Variants in FAF2 observed in about 807,000 individuals in gnomAD.
The protein encoded by FAF2 is FAS-associated factor 2.
A neutral mutation model predicts 62.3 loss-of-function variants in FAF2; 9 were observed. That is an observed-to-expected ratio of 0.14 (90% CI 0.09 to 0.25). The LOEUF (loss-of-function observed/expected upper bound fraction) is 0.25. Ranked by LOEUF, FAF2 falls within the 10% of genes least tolerant of loss-of-function variation. The pLI, the probability that FAF2 is intolerant of heterozygous loss-of-function variation, is 1.00. For synonymous variants in FAF2, 202 were observed against 198.0 expected, an observed-to-expected ratio of 1.02 and a Z score of -0.17; for missense variants, 368 against 556.2, an observed-to-expected ratio of 0.66 and a Z score of 3.40.
At chr5:176,474,584 T>C (rs13154670) in intron 1 of FAF2, among the ~76,000 whole-genome samples, 11,012 of 152,316 alleles carry the variant, frequency 0.072, 463 homozygotes, top group Middle Eastern at 0.16. Context: ...AGGTTCACTC[T>C]GCTGTAAAGG....
chr5:176,454,554 G>A (rs1249420566), intron 1 of FAF2, among the ~76,000 whole-genome samples: 1 of 129,510 alleles, frequency 7.7e-6, no homozygotes, highest in African/African-American at 3.0e-5. Context: ...CTCTAACCTG[G>A]GCAACAGAGC....
chr5:176,470,794 A>G (rs766757534), intron 1 of FAF2, among the ~76,000 whole-genome samples: 6 of 152,226 alleles, frequency 3.9e-5, no homozygotes, highest in Non-Finnish European at 5.9e-5. Flanking sequence ...GCTGACTAGC[A>G]GTGAGGTCAG....
At chr5:176,463,413 A>G (rs1174551564) in intron 1 of FAF2, among the ~76,000 whole-genome samples, 3 of 151,824 alleles carry the variant, frequency 2.0e-5, no homozygotes, top group Non-Finnish European at 2.9e-5. Context: ...AATGAAAGAT[A>G]ATTTATTTGG....
intron 1 of FAF2, chr5:176,453,616 G>GT (rs1031105625): frequency 7.2e-5 from 11 of 152,044 alleles, no homozygotes; most frequent in African/African-American, 1.9e-4. Context: ...CCATTTGAGG[G>GT]TTTTTTGCCA....
intron 1 of FAF2, among the ~76,000 whole-genome samples, chr5:176,470,186 A>G (rs907004727): frequency 3.9e-5 from 6 of 152,226 alleles, no homozygotes; most frequent in African/African-American, 1.4e-4. Context: ...GGGGAACTAG[A>G]AGGAAATTTG....
intron 1 of FAF2, among the ~76,000 whole-genome samples, chr5:176,449,712 T>C (rs1348153814): frequency 1.3e-5 from 2 of 152,242 alleles, no homozygotes; most frequent in East Asian, 3.8e-4. Context: ...AGACCTAAAG[T>C]TATTGATACA....
chr5:176,465,216 T>C (rs929642483), intron 1 of FAF2, among the ~76,000 whole-genome samples: 2 of 152,060 alleles, frequency 1.3e-5, no homozygotes, highest in Non-Finnish European at 2.9e-5. Context: ...TCTAGTCTTA[T>C]TTGACCCCAA....
intron 1 of FAF2, among the ~76,000 whole-genome samples, chr5:176,475,137 GTTATTA>G (rs146620409): frequency 6.6e-6 from 1 of 151,670 alleles, no homozygotes; most frequent in Non-Finnish European, 1.5e-5. Flanking sequence ...TTTATTTAAG[GTTATTA>G]TTATTATTAT....
chr5:176,449,333 T>C (rs1758123856), intron 1 of FAF2, among the ~76,000 whole-genome samples: 1 of 152,152 alleles, frequency 6.6e-6, no homozygotes, highest in Admixed American at 6.5e-5. Context: ...TCCCAGCACT[T>C]TGGGAGGCCA....
chr5:176,457,057 GTATT>G (rs890459638), intron 1 of FAF2, among the ~76,000 whole-genome samples: 1 of 152,038 alleles, frequency 6.6e-6, no homozygotes, highest in African/African-American at 2.4e-5. Flanking sequence ...ACTCCTCTAA[GTATT>G]TAAGAGGAAT....
intron 2 of FAF2, 104 bp from the exon 3 acceptor site, chr5:176,486,251 C>T: frequency 6.9e-7 from 1 of 1,452,466 alleles, no homozygotes; most frequent in Non-Finnish European, 9.5e-7. Context: ...TTGGTGTATT[C>T]ATGACCATCC....
Position 176,492,271 on chromosome 5 carries a change from A to T in FAF2, c.422A>T (p.His141Leu). Reference protein sequence around the residue: ...DPVGDIVSFMHSFEEKYGRAH... With the variant: ...DPVGDIVSFMLSFEEKYGRAH... Reference sequence around the variant, plus strand: ...GTTGGGGACATTGTTTCATTTATGCACTCTTTTGAAGAGAAATATGGGAGG... The same window carrying T: ...GTTGGGGACATTGTTTCATTTATGCTCTCTTTTGAAGAGAAATATGGGAGG... Residue 141 changes from histidine to leucine, a missense_variant, in exon 5 of 11, where the codon CAC becomes CTC. Physicochemically the swap from His to Leu is moderately conservative, Grantham distance 99. Coordinates refer to ENST00000261942, the MANE Select transcript of FAF2 (RefSeq NM_014613.3). The T allele has an allele frequency of 1.9e-6, 3 of 1,613,856 alleles. No homozygotes were observed. The highest frequency in any genetic ancestry group is 2.2e-5 in the South Asian group (2 of 91,064).
chr5:176,490,719 A>G (rs1287997899), intron 4 of FAF2, among the ~76,000 whole-genome samples: 1 of 152,202 alleles, frequency 6.6e-6, no homozygotes, highest in Non-Finnish European at 1.5e-5. Context: ...TTATTTAAGA[A>G]TGAACATGTA....
intron 1 of FAF2, among the ~76,000 whole-genome samples, chr5:176,465,669 G>A (rs1758455749): frequency 6.6e-6 from 1 of 152,040 alleles, no homozygotes; most frequent in African/African-American, 2.4e-5. Flanking sequence ...GCCCAGCCCA[G>A]AAATTGAAAT....
intron 2 of FAF2, among the ~76,000 whole-genome samples, chr5:176,484,497 G>A (rs191579214): frequency 5.3e-5 from 8 of 152,226 alleles, no homozygotes; most frequent in Non-Finnish European, 1.0e-4. Flanking sequence ...TTTTGTTCAG[G>A]TTCCCCTATT....
chr5:176,454,592 A>G lies in FAF2; in HGVS notation c.63+6122A>G, dbSNP rs1475489184. On this transcript the variant is annotated intron_variant, in intron 1 of 10. Transcript: ENST00000261942. ...GATTCTGTCTGAAAAAAAAAAAAAAAAAAAAAAAAAAAAAAAAAATCTAAT... is the reference window on the plus strand; with the variant it reads ...GATTCTGTCTGAAAAAAAAAAAAAAGAAAAAAAAAAAAAAAAAAATCTAAT... 3.7e-4 allele frequency among the ~76,000 whole-genome samples: 10 copies of G among 27,140 alleles called. No homozygotes were observed. The East Asian group carries it at 7.0e-3, about 19-fold the overall frequency. 17.8% of individuals were successfully genotyped at this position (27,140 alleles called of 152,430 possible).
intron 1 of FAF2, among the ~76,000 whole-genome samples, chr5:176,478,252 G>A (rs1456727607): frequency 6.6e-6 from 1 of 152,186 alleles, no homozygotes; most frequent in Non-Finnish European, 1.5e-5. Flanking sequence ...CAAGGCAAGA[G>A]GATTGCTTGA....
intron 1 of FAF2, among the ~76,000 whole-genome samples, chr5:176,478,070 C>T (rs1758733288): frequency 6.6e-6 from 1 of 152,140 alleles, no homozygotes; most frequent in South Asian, 2.1e-4. Context: ...ATGGTTTTGG[C>T]TTTTATATTA....
chr5:176,455,005 G>A (rs2113715048), intron 1 of FAF2, among the ~76,000 whole-genome samples: 1 of 152,162 alleles, frequency 6.6e-6, no homozygotes, highest in African/African-American at 2.4e-5. Context: ...AAATACCAGT[G>A]CAAAAAGAGT....
Sources: allele counts gnomAD v4.1 joint callset (sites outside exome capture counted in the v4.1 genomes callset), GRCh38; gene constraint gnomAD v4.1.1; transcripts MANE v1.5; gene names NCBI Gene and HGNC (gene_info 2026-07-23, HGNC 2026-07-21).